Variants in PARP15 observed in about 807,000 individuals in gnomAD.
The protein encoded by PARP15 is poly(ADP-ribose) polymerase family member 15.
Under a neutral mutation model 62.1 loss-of-function variants are expected in PARP15, and 50 were observed. The ratio of observed to expected loss-of-function variants is 0.81; its 90% CI spans 0.64 to 1.02. PARP15 has a LOEUF of 1.02. Among genes scored for constraint, PARP15 ranks in the 50% least tolerant of loss-of-function variants. PARP15 has a pLI of 0.00. For missense variants in PARP15, 820 were observed against 826.5 expected (o/e 0.99, Z 0.10); for synonymous variants, 309 against 293.1 (o/e 1.05, Z -0.55).
intron 10 of PARP15, 103 bp downstream of exon 10, chr3:122,632,322 T>A: frequency 9.0e-7 from 1 of 1,105,328 alleles, no homozygotes; most frequent in Non-Finnish European, 1.3e-6. Context: ...CTTACTATGT[T>A]TATTTTAACT....
At chr3:122,608,542 C>T (rs2107529464) in intron 2 of PARP15, among the ~76,000 whole-genome samples, 1 of 152,144 alleles carries the variant, frequency 6.6e-6, no homozygotes, top group African/African-American at 2.4e-5. Context: ...TTAAATATTC[C>T]ATGCACCTTG....
chr3:122,609,194 G>A (rs1423513192), intron 2 of PARP15, among the ~76,000 whole-genome samples: 1 of 152,064 alleles, frequency 6.6e-6, no homozygotes, highest in African/African-American at 2.4e-5. Context: ...TTCTTGGATG[G>A]CTTGCTCACT....
chr3:122,577,846 G>C lies in PARP15; in HGVS notation c.179G>C (p.Arg60Pro), dbSNP rs1358725824. 1 of 1,548,526 alleles carries C rather than the reference G, an allele frequency of 6.5e-7. No individual in the cohort carries two copies. Among genetic ancestry groups the C allele is most frequent in the African/African-American group, 1.4e-5 (1 of 73,096 alleles). Reference sequence around the variant, plus strand: ...AAGGCCTCCCGGCGCTCTTCCTCCCGGAGTATGGTGAGGAGCGCGGGGGAC... The same window carrying C: ...AAGGCCTCCCGGCGCTCTTCCTCCCCGAGTATGGTGAGGAGCGCGGGGGAC... ...ARKASRRSSS[R>P]SMSRDNKFSK... is the part of the protein sequence containing the mutation. The change falls in exon 1 of 12, where the codon CGG becomes CCG. Residue 60 changes from arginine (R) to proline (P), a missense_variant. This residue lies in a region of PARP15 where 731 missense variants were observed against 727.7 expected (regional missense o/e 1.00). Coordinates refer to ENST00000464300, the MANE Select transcript of PARP15 (RefSeq NM_001113523.3).
chr3:122,625,437 G>A (rs560398560), intron 8 of PARP15, among the ~76,000 whole-genome samples: 1 of 152,072 alleles, frequency 6.6e-6, no homozygotes, highest in East Asian at 1.9e-4. Context: ...TATTTTTAGT[G>A]GTGGCAGGAT....
Position 122,632,164 on chromosome 3 carries a change from A to G in PARP15, c.1517A>G (p.Tyr506Cys), listed in dbSNP as rs1367102264. Residue 506 changes from tyrosine to cysteine, a missense_variant, in exon 10 of 12, where the codon TAT becomes TGT. By Grantham distance (194) the Tyr-to-Cys change is radical. Around this residue, in one of 3 missense-constraint regions of PARP15, gnomAD observed 731 missense variants for 727.7 expected, o/e 1.00. Transcript: ENST00000464300. ...CAGCTAGAGCCAGGACAATCAGAATATAATACCATAAAGGACAAGTTCACC... is the reference window on the plus strand; with the variant it reads ...CAGCTAGAGCCAGGACAATCAGAATGTAATACCATAAAGGACAAGTTCACC... ...MVQLEPGQSE[Y>C]NTIKDKFTRT... 1 of 1,613,826 alleles carries G rather than the reference A, an allele frequency of 6.2e-7. No individual in the cohort carries two copies. Among genetic ancestry groups the G allele is most frequent in the Non-Finnish European group, 8.5e-7 (1 of 1,179,846 alleles).
rs1160758783 is a variant in PARP15 at position 122,638,362 on chromosome 3, G to A, written c.*2262G>A. The stretch of plus-strand genomic sequence containing the variant: ...ATGGTATTTCTAGTTCTAGATCCCC[G>A]AGGAATCGCCACACTGACTTCCACA... On this transcript the variant is annotated 3_prime_UTR_variant, in exon 12 of 12. Coordinates refer to ENST00000464300, the MANE Select transcript of PARP15 (RefSeq NM_001113523.3). 3 of 152,004 alleles carry A rather than the reference G, an allele frequency of 2.0e-5. No individual in the cohort carries two copies. The highest frequency in any genetic ancestry group is 3.9e-4 in the East Asian group (2 of 5,192). The allele number at this position is 152,004 out of a possible 1,614,324, so 9.4% of individuals were successfully genotyped here.
intron 1 of PARP15, among the ~76,000 whole-genome samples, chr3:122,591,107 C>A (rs528123065): frequency 6.6e-6 from 1 of 152,302 alleles, no homozygotes; most frequent in Admixed American, 6.5e-5. Flanking sequence ...AATCTATATT[C>A]TTCCAAAGTA....
chr3:122,578,755 CTT>C (rs769873782), intron 1 of PARP15, among the ~76,000 whole-genome samples: 2 of 151,490 alleles, frequency 1.3e-5, no homozygotes, highest in Admixed American at 6.6e-5. Flanking sequence ...AAGAAAAGCT[CTT>C]TGGAATTTTT....
chr3:122,594,242 A>G (rs1281545488), intron 1 of PARP15, among the ~76,000 whole-genome samples: 1 of 152,198 alleles, frequency 6.6e-6, no homozygotes, highest in Non-Finnish European at 1.5e-5. Flanking sequence ...TTAAGGTTAC[A>G]GTGAGCTATG....
intron 1 of PARP15, chr3:122,594,624 A>C: frequency 1.1e-6 from 1 of 929,672 alleles, no homozygotes; most frequent in Non-Finnish European, 1.3e-6. Flanking sequence ...CTAACTTTAC[A>C]TAGAAATTAG....
In PARP15 at chr3:122,637,381, C is replaced by G. The variant is rs1039702714; in HGVS notation, c.*1281C>G. The G allele has an allele frequency of 1.3e-5, 2 of 152,166 alleles. No individual in the cohort carries two copies. The highest frequency in any genetic ancestry group is 2.9e-5 in the Non-Finnish European group (2 of 68,044). The allele number at this position is 152,166 out of a possible 1,614,324, so 9.4% of individuals were successfully genotyped here. On this transcript the variant is annotated 3_prime_UTR_variant, in exon 12 of 12. Coordinates refer to ENST00000464300, the MANE Select transcript of PARP15 (RefSeq NM_001113523.3). ...TTTTCAAAAGTTGAAATCAGTTCCT[C>G]TGTGTCTATTACCTGCTGATCACTG...
chr3:122,589,271 C>T (rs577262017), intron 1 of PARP15, among the ~76,000 whole-genome samples: 40 of 152,176 alleles, frequency 2.6e-4, no homozygotes, highest in Non-Finnish European at 5.4e-4. Context: ...TGGGGTCCAC[C>T]CTCATGACCT....
intron 1 of PARP15, among the ~76,000 whole-genome samples, chr3:122,580,044 C>T (rs533959726): frequency 9.6e-5 from 12 of 125,506 alleles, no homozygotes; most frequent in South Asian, 2.7e-4. Flanking sequence ...TATGCACGCG[C>T]GCACACACAC....
At position 122,626,926 on chromosome 3, in the gene PARP15, A is replaced by C. The variant is rs909253455; in HGVS notation, c.1331A>C (p.Lys444Thr). ...QHSTPSLKTV[K>T]VVIFQPELLN... ...TCCACCCCATCATTAAAAACAGTTA[A>C]AGTTGTCATTTTTCAACCTGAGCTG... Residue 444 changes from lysine to threonine, a missense_variant, in exon 9 of 12, where the codon AAA becomes ACA. By Grantham distance (78) the Lys-to-Thr change is moderately conservative (BLOSUM62 -1). This residue lies in a region of PARP15 where 731 missense variants were observed against 727.7 expected (regional missense o/e 1.00). Coordinates refer to ENST00000464300, the MANE Select transcript of PARP15 (RefSeq NM_001113523.3). 5.6e-6 allele frequency: 9 copies of C among 1,613,892 alleles called. No individual in the cohort carries two copies. Among genetic ancestry groups the C allele is most frequent in the Non-Finnish European group, 5.9e-6 (7 of 1,179,948 alleles).
intron 1 of PARP15, among the ~76,000 whole-genome samples, chr3:122,590,856 A>G (rs930995389): frequency 6.6e-6 from 1 of 152,174 alleles, no homozygotes; most frequent in African/African-American, 2.4e-5. Flanking sequence ...TGTCTTGGTT[A>G]CATCTGCAGA....
chr3:122,612,341 C>T (rs183522266), intron 3 of PARP15, among the ~76,000 whole-genome samples: 2 of 152,126 alleles, frequency 1.3e-5, no homozygotes, highest in Admixed American at 1.3e-4. Flanking sequence ...AGGTGTGAAC[C>T]ACTGTGTTAG....
chr3:122,632,591 C>G (rs1937122127), intron 10 of PARP15, among the ~76,000 whole-genome samples: 1 of 152,238 alleles, frequency 6.6e-6, no homozygotes, highest in African/African-American at 2.4e-5. Context: ...TTGCTGTCCT[C>G]TGTGTCAGCT....
rs1936335721 is a variant in PARP15, at chr3:122,621,486, G to T, written c.1106G>T (p.Cys369Phe). Residue 369 changes from cysteine (C) to phenylalanine (F), a missense_variant, in exon 8 of 12, where the codon TGC becomes TTC. Cys to Phe is a radical substitution (Grantham distance 205). This residue lies in a region of PARP15 where 731 missense variants were observed against 727.7 expected (regional missense o/e 1.00). Coordinates refer to ENST00000464300, the MANE Select transcript of PARP15 (RefSeq NM_001113523.3). ...GATTTTATAATTACACCAGGTGGATGCTTAAAGTGCAAAATAATAATTCAT... is the reference window on the plus strand; with the variant it reads ...GATTTTATAATTACACCAGGTGGATTCTTAAAGTGCAAAATAATAATTCAT... ...HRDFIITPGG[C>F]LKCKIIIHVP... The T allele has an allele frequency of 2.5e-6, 4 of 1,613,804 alleles. No homozygotes were observed. The highest frequency in any genetic ancestry group is 1.7e-6 in the Non-Finnish European group (2 of 1,179,892).
intron 7 of PARP15, among the ~76,000 whole-genome samples, chr3:122,620,563 T>A (rs575990400): frequency 6.6e-6 from 1 of 152,124 alleles, no homozygotes; most frequent in South Asian, 2.1e-4. Context: ...TTCTCTGGAG[T>A]GAATACAGTT....
Sources: gnomAD v4.1 joint callset for allele counts (sites outside exome capture counted in the v4.1 genomes callset) on GRCh38, gnomAD v4.1.1 for gene constraint, gnomAD v4.1.1 regional missense constraint, MANE v1.5 for transcripts, NCBI Gene and HGNC (gene_info 2026-07-23, HGNC 2026-07-21) for gene names.